GPHN: variants seen among roughly 807,000 people sequenced by gnomAD.
GPHN encodes the protein gephyrin.
GPHN carries 17 observed loss-of-function variants against 95.5 expected under a neutral mutation model. The observed-to-expected ratio is 0.18, with a 90% CI of 0.12 to 0.27. The LOEUF (loss-of-function observed/expected upper bound fraction) is 0.27, where lower values mean the gene tolerates loss of function less well. Among genes scored for constraint, GPHN ranks in the 10% least tolerant of loss-of-function variants. GPHN has a pLI of 1.00. For missense variants in GPHN, 660 were observed against 978.1 expected, an observed-to-expected ratio of 0.67 and a Z score of 4.34; for synonymous variants, 320 against 322.5, an observed-to-expected ratio of 0.99 and a Z score of 0.08.
At chr14:66,627,709 C>T (rs1266474595) in intron 1 of GPHN, among the ~76,000 whole-genome samples, 2 of 152,024 alleles carry the variant, frequency 1.3e-5, no homozygotes, top group Admixed American at 6.5e-5. Flanking sequence ...TATTGTTAGA[C>T]TTAAAGTACT....
chr14:67,454,399 T>C, the GPHN span: 10 of 152,252 alleles, frequency 6.6e-5, no homozygotes, highest in African/African-American at 2.4e-4. Context: ...GGATGATACC[T>C]TAAATTTTGT....
the GPHN span, among the ~76,000 whole-genome samples, chr14:67,631,452 T>TTC: frequency 6.7e-6 from 1 of 149,730 alleles, no homozygotes; most frequent in Admixed American, 6.7e-5. Context: ...TTTTTTTTTT[T>TTC]TGAGACAGGG....
At chr14:66,583,624 A>G (rs1336811606) in intron 1 of GPHN, among the ~76,000 whole-genome samples, 3 of 152,302 alleles carry the variant, frequency 2.0e-5, no homozygotes, top group African/African-American at 7.2e-5. Context: ...TTTTCCCAGC[A>G]GCATTTATTA....
At chr14:67,661,881 C>T in the GPHN span, among the ~76,000 whole-genome samples, 1 of 152,116 alleles carries the variant, frequency 6.6e-6, no homozygotes, top group Non-Finnish European at 1.5e-5. Context: ...TTAGGCCAGG[C>T]ACGGTGGCTC....
At chr14:66,667,580 T>C (rs1454276475) in intron 1 of GPHN, among the ~76,000 whole-genome samples, 1 of 152,210 alleles carries the variant, frequency 6.6e-6, no homozygotes, top group Non-Finnish European at 1.5e-5. Context: ...TAAATGGTGC[T>C]GGGATAACTG....
chr14:67,276,042 A>G, the GPHN span, among the ~76,000 whole-genome samples: 2 of 151,900 alleles, frequency 1.3e-5, no homozygotes, highest in Non-Finnish European at 2.9e-5. Context: ...TAGTCTATCA[A>G]TTTTGTTGAT....
At chr14:66,858,734 A>G (rs1182288370) in intron 4 of GPHN, among the ~76,000 whole-genome samples, 2 of 152,122 alleles carry the variant, frequency 1.3e-5, no homozygotes, top group African/African-American at 4.8e-5. Flanking sequence ...GAGCTTGGAC[A>G]GCATTTCTGA....
chr14:66,685,730 G>T (rs1034653367), intron 2 of GPHN, among the ~76,000 whole-genome samples: 8 of 152,096 alleles, frequency 5.3e-5, no homozygotes, highest in Non-Finnish European at 1.2e-4. Context: ...TTCTTTTGCT[G>T]TGCAGAAGCT....
At chr14:67,242,656 C>A in the GPHN span, among the ~76,000 whole-genome samples, 1 of 151,218 alleles carries the variant, frequency 6.6e-6, no homozygotes, top group Admixed American at 6.6e-5. Context: ...TCCCTGTGGA[C>A]ATAGCTATTG....
the GPHN span, among the ~76,000 whole-genome samples, chr14:67,194,065 T>G: frequency 6.6e-6 from 1 of 151,280 alleles, no homozygotes; most frequent in South Asian, 2.1e-4. Context: ...TCTCCAGATA[T>G]TCATAGTGAA....
chr14:66,734,739 T>C (rs1237681112), intron 2 of GPHN, among the ~76,000 whole-genome samples: 1 of 152,212 alleles, frequency 6.6e-6, no homozygotes, highest in Non-Finnish European at 1.5e-5. Context: ...TTATGTAGTC[T>C]CCATATAAAT....
chr14:67,086,390 G>A (rs1205121426), intron 11 of GPHN, among the ~76,000 whole-genome samples: 2 of 152,260 alleles, frequency 1.3e-5, no homozygotes, highest in South Asian at 2.1e-4. Context: ...GGTGGCTCAC[G>A]CCTGTAATCC....
At chr14:66,631,386 A>G (rs895533040) in intron 1 of GPHN, among the ~76,000 whole-genome samples, 3 of 152,188 alleles carry the variant, frequency 2.0e-5, no homozygotes, top group African/African-American at 7.2e-5. Context: ...TTTTAGCTCA[A>G]AACAAATGTA....
the GPHN span, chr14:67,412,185 G>T: frequency 4.3e-6 from 3 of 701,180 alleles, no homozygotes; most frequent in Non-Finnish European, 6.3e-6. Context: ...GCGGCAGGGC[G>T]ACGCCTCCCT....
chr14:67,198,716 T>C, the GPHN span, among the ~76,000 whole-genome samples: 2 of 152,198 alleles, frequency 1.3e-5, no homozygotes, highest in African/African-American at 4.8e-5. Flanking sequence ...GTTCTGAAGG[T>C]AAATTGTCAG....
chr14:67,302,711 A>T, the GPHN span: 2 of 603,860 alleles, frequency 3.3e-6, no homozygotes, highest in Non-Finnish European at 5.0e-6. Flanking sequence ...ACTGTTCCAC[A>T]GTATTTGTTA....
chr14:67,368,735 T>TA, the GPHN span, among the ~76,000 whole-genome samples: 2 of 41,454 alleles, frequency 4.8e-5, no homozygotes, highest in African/African-American at 7.0e-4. Flanking sequence ...GAACAACCAT[T>TA]AAATAAGCCA....
At chr14:67,432,125 A>G in the GPHN span, among the ~76,000 whole-genome samples, 2 of 152,238 alleles carry the variant, frequency 1.3e-5, no homozygotes, top group African/African-American at 4.8e-5. Context: ...AGTGCTTTCC[A>G]GCTTAAAGAA....
chr14:66,887,690 A>G (rs1435838616), intron 5 of GPHN, among the ~76,000 whole-genome samples: 1 of 152,180 alleles, frequency 6.6e-6, no homozygotes, highest in Non-Finnish European at 1.5e-5. Context: ...CTGGTATATC[A>G]TGTTTGGCTA....
Sources: allele counts gnomAD v4.1 joint callset (sites outside exome capture counted in the v4.1 genomes callset), GRCh38; gene constraint gnomAD v4.1.1; transcripts MANE v1.5; gene names NCBI Gene and HGNC (gene_info 2026-07-23, HGNC 2026-07-21).